The following SLC35E4 variants were observed in gnomAD, a reference collection of about 807,000 sequenced individuals.
SLC35E4 encodes the protein solute carrier family 35, member E4.
A neutral mutation model predicts 19.3 loss-of-function variants in SLC35E4; 15 were observed. That is an observed-to-expected ratio of 0.78 (90% CI 0.52 to 1.20). The LOEUF (loss-of-function observed/expected upper bound fraction) is 1.20. Ranked by LOEUF, SLC35E4 falls within the 50% of genes most tolerant of loss-of-function variation. SLC35E4 has a pLI of 0.00. For synonymous variants in SLC35E4, 219 were observed against 219.9 expected (o/e 1.00, Z 0.04); for missense variants, 406 against 472.3 (o/e 0.86, Z 1.30).
intron 2 of SLC35E4, among the ~76,000 whole-genome samples, chr22:30,653,264 G>A (rs755486204): frequency 9.9e-5 from 15 of 151,942 alleles, no homozygotes; most frequent in South Asian, 6.2e-4. Context: ...TGAACCCTTC[G>A]GCTATTGGGG....
At chr22:30,654,938 T>C (rs1329439390) in intron 2 of SLC35E4, 1 of 165,938 alleles carries the variant, frequency 6.0e-6, no homozygotes, top group Non-Finnish European at 1.3e-5. Flanking sequence ...AAACCACAGA[T>C]CTAGTTCAAT....
downstream of SLC35E4, among the ~76,000 whole-genome samples, chr22:30,651,371 T>TTTTGTGTGTG (rs1555899345): frequency 2.2e-4 from 9 of 41,202 alleles, no homozygotes; most frequent in African/African-American, 9.7e-4. Context: ...TGGCTAATTT[T>TTTTGTGTGTG]TGTGTGTGTG....
chr22:30,650,172 A>C (rs1464535699), downstream of SLC35E4, among the ~76,000 whole-genome samples: 1 of 149,466 alleles, frequency 6.7e-6, no homozygotes, highest in Non-Finnish European at 1.5e-5. Context: ...TCTCTACTAA[A>C]AATACAAAAA....
downstream of SLC35E4, chr22:30,667,496 G>A (rs2088720938): frequency 6.6e-6 from 1 of 152,272 alleles, no homozygotes; most frequent in African/African-American, 2.4e-5. Flanking sequence ...GGTTCGCTCA[G>A]GAAGTAGCCG....
At chr22:30,665,776 A>G (rs2088628396), downstream of SLC35E4, among the ~76,000 whole-genome samples, 1 of 152,172 alleles carries the variant, frequency 6.6e-6, no homozygotes, top group Non-Finnish European at 1.5e-5. Context: ...CTCCCACTCT[A>G]TCACCAACTA....
chr22:30,656,291 G>T (rs1486024594), intron 2 of SLC35E4, among the ~76,000 whole-genome samples: 3 of 152,070 alleles, frequency 2.0e-5, no homozygotes, highest in Non-Finnish European at 4.4e-5. Flanking sequence ...AGGGCATTTG[G>T]ATTTAACATC....
In SLC35E4 at chr22:30,636,502, G is replaced by A; in HGVS notation, c.52G>A (p.Val18Ile). The change falls in exon 1 of 2, where the codon GTA (valine) becomes ATA (isoleucine). Residue 18 changes from valine (V) to isoleucine (I), a missense_variant. Val to Ile is a conservative substitution (Grantham distance 29, BLOSUM62 3). Transcript: ENST00000343605. ...HHDGRMTSAE[V>I]GAAAGGAQAA... is the part of the protein sequence containing the mutation. ...TGATGGCAGGATGACCTCAGCCGAA[G>A]TAGGAGCAGCAGCTGGTGGTGCTCA... 6.5e-7 allele frequency: 1 copy of A among 1,537,226 alleles called. No homozygotes were observed. Among genetic ancestry groups the A allele is most frequent in the Non-Finnish European group, 8.8e-7 (1 of 1,137,614 alleles).
intron 2 of SLC35E4, among the ~76,000 whole-genome samples, chr22:30,658,693 T>C (rs892318929): frequency 4.6e-5 from 7 of 152,058 alleles, no homozygotes; most frequent in African/African-American, 9.7e-5. Flanking sequence ...TCCCATAAAG[T>C]TGCACATGAA....
chr22:30,661,444 C>CTTTTTTTTTTTTTTTTTTTTTTTTT (rs56242112), intron 2 of SLC35E4: 2 of 136,476 alleles, frequency 1.5e-5, no homozygotes, highest in Non-Finnish European at 1.5e-5. Context: ...TTTTCTTTTT[C>CTTTTTTTTTTTTTTTTTTTTTTTTT]TTTTTTTTTT....
chr22:30,663,894 T>C, downstream of SLC35E4: 1 of 1,614,200 alleles, frequency 6.2e-7, no homozygotes, highest in Admixed American at 1.7e-5. Context: ...CATGAGCTTG[T>C]TGTTGGCGGC....
downstream of SLC35E4, among the ~76,000 whole-genome samples, chr22:30,648,711 C>A (rs916101615): frequency 2.0e-4 from 30 of 152,292 alleles, no homozygotes; most frequent in African/African-American, 7.0e-4. Flanking sequence ...GCTTGGCCAA[C>A]AAGACCGAAA....
chr22:30,654,522 C>A, intron 2 of SLC35E4: 2 of 430,008 alleles, frequency 4.7e-6, no homozygotes, highest in Admixed American at 5.2e-5. Context: ...TCTTGGGCGG[C>A]CTGGCTTCCT....
chr22:30,643,029 C>CA (rs67770321), intron 1 of SLC35E4, among the ~76,000 whole-genome samples: 3,117 of 81,118 alleles, frequency 0.038, 104 homozygotes, highest in African/African-American at 0.13. Context: ...GACTCCGTCT[C>CA]AAAAAAAAAA....
intron 2 of SLC35E4, among the ~76,000 whole-genome samples, chr22:30,658,883 G>A (rs1017264465): frequency 2.3e-4 from 35 of 152,136 alleles, no homozygotes; most frequent in Non-Finnish European, 3.7e-4. Context: ...GGTGGCTCAC[G>A]CCTGTAATCC....
downstream of SLC35E4, chr22:30,663,686 A>G (rs889237064): frequency 6.2e-7 from 1 of 1,614,254 alleles, no homozygotes; most frequent in African/African-American, 1.3e-5. Context: ...GGCTCACACC[A>G]GCAGCACAGT....
At chr22:30,659,382 CTTTTT>C (rs755290014) in intron 2 of SLC35E4, among the ~76,000 whole-genome samples, 2 of 151,766 alleles carry the variant, frequency 1.3e-5, no homozygotes, top group Admixed American at 1.3e-4. Context: ...TTTTTTCTCT[CTTTTT>C]TTTGAGATGG....
At chr22:30,643,501 A>G (rs1239915831) in intron 1 of SLC35E4, among the ~76,000 whole-genome samples, 1 of 152,132 alleles carries the variant, frequency 6.6e-6, no homozygotes, top group Non-Finnish European at 1.5e-5. Flanking sequence ...AGCTCTTCAT[A>G]CTGAAGGAGG....
At position 30,653,374 on chromosome 22, in the gene SLC35E4, C is replaced by CT. The variant is rs892435016; in HGVS notation, c.*8+4136dup. On this transcript the variant is annotated intron_variant, in intron 2 of 2. Coordinates refer to the SLC35E4 transcript ENST00000406566. ...ACCCTCATGTGCCCCCTTCCTCCTTCTTTTTTTTTTTTTTTGAGACAGAGT... is the reference window on the plus strand; with the variant it reads ...ACCCTCATGTGCCCCCTTCCTCCTTCTTTTTTTTTTTTTTTTGAGACAGAGT... Among the ~76,000 whole-genome samples the CT allele has an allele frequency of 4.1e-3, 579 of 142,562 alleles. 6 individuals carry two copies. The highest frequency in any genetic ancestry group is 0.012 in the South Asian group (54 of 4,490). 93.5% of individuals were successfully genotyped at this position (142,562 alleles called of 152,430 possible).
chr22:30,667,027 A>G (rs2088697659), downstream of SLC35E4: 1 of 152,224 alleles, frequency 6.6e-6, no homozygotes, highest in African/African-American at 2.4e-5. Flanking sequence ...AAAGATCTAA[A>G]GAACGTTTAG....
Sources: allele counts gnomAD v4.1 joint callset (sites outside exome capture counted in the v4.1 genomes callset), GRCh38; gene constraint gnomAD v4.1.1; transcripts MANE v1.5; gene names NCBI Gene and HGNC (gene_info 2026-07-23, HGNC 2026-07-21).